ARAP2: variants seen among roughly 807,000 people sequenced by gnomAD.
ARAP2 encodes arf-GAP with Rho-GAP domain, ANK repeat and PH domain-containing protein 2.
Under a neutral mutation model 194.5 loss-of-function variants are expected in ARAP2, and 148 were observed. The ratio of observed to expected loss-of-function variants is 0.76; its 90% CI spans 0.67 to 0.87. ARAP2 has a LOEUF of 0.87. ARAP2 is among the 40% of genes least tolerant of loss of function. The pLI, the probability that ARAP2 is intolerant of heterozygous loss-of-function variation, is 0.00. For synonymous variants in ARAP2, 695 were observed against 683.5 expected (o/e 1.02, Z -0.26); for missense variants, 2,128 against 1,989.7 (o/e 1.07, Z -1.32).
At chr4:36,214,283 A>G (rs1441697605) in intron 3 of ARAP2, 139 bp downstream of exon 3, 3 of 496,112 alleles carry the variant, frequency 6.0e-6, no homozygotes, top group Non-Finnish European at 6.9e-6. Context: ...AAGTGTCTGA[A>G]GTACTATGAA....
At chr4:36,205,264 T>TA (rs1444071011) in intron 6 of ARAP2, among the ~76,000 whole-genome samples, 1 of 151,870 alleles carries the variant, frequency 6.6e-6, no homozygotes, top group Non-Finnish European at 1.5e-5. Flanking sequence ...TCTTCCATGG[T>TA]GGTACATCAA....
intron 6 of ARAP2, among the ~76,000 whole-genome samples, chr4:36,018,119 A>C (rs1053629481): frequency 1.3e-5 from 2 of 152,246 alleles, no homozygotes; most frequent in Admixed American, 1.3e-4. Flanking sequence ...ACAAAGTTTA[A>C]AATGTTTTAA....
intron 6 of ARAP2, among the ~76,000 whole-genome samples, chr4:36,204,434 C>T (rs2109241991): frequency 6.6e-6 from 1 of 152,252 alleles, no homozygotes; most frequent in Non-Finnish European, 1.5e-5. Flanking sequence ...CTCCTTTTCT[C>T]AGGAAGCTTC....
At chr4:36,120,310 TTCC>T (rs1722373588) in intron 23 of ARAP2, among the ~76,000 whole-genome samples, 1 of 151,588 alleles carries the variant, frequency 6.6e-6, no homozygotes, top group Non-Finnish European at 1.5e-5. Flanking sequence ...CTGGTGTCTA[TTCC>T]TATGTAAATT....
chr4:36,026,923 GTC>G (rs1250656744), intron 5 of ARAP2, among the ~76,000 whole-genome samples: 1 of 152,174 alleles, frequency 6.6e-6, no homozygotes, highest in East Asian at 1.9e-4. Flanking sequence ...CATTCTTCAG[GTC>G]TCTAAATGCG....
chr4:36,090,747 T>C (rs901056250), intron 28 of ARAP2, among the ~76,000 whole-genome samples: 6 of 152,076 alleles, frequency 3.9e-5, no homozygotes, highest in Admixed American at 6.6e-5. Flanking sequence ...CAACACCCAC[T>C]GGGGCCTTTT....
intron 7 of ARAP2, among the ~76,000 whole-genome samples, chr4:36,189,894 T>C (rs1374854268): frequency 1.3e-5 from 2 of 152,206 alleles, no homozygotes; most frequent in African/African-American, 4.8e-5. Flanking sequence ...TATCTGTCCA[T>C]TAAAATATCA....
At chr4:36,073,896 G>T in intron 31 of ARAP2, 73 bp from the exon 32 acceptor site, 1 of 1,538,304 alleles carries the variant, frequency 6.5e-7, no homozygotes, top group South Asian at 1.2e-5. Flanking sequence ...AAGCCACTTG[G>T]TTTCTTTCCC....
chr4:36,178,855 A>G (rs1185716406), intron 8 of ARAP2, among the ~76,000 whole-genome samples: 2 of 152,152 alleles, frequency 1.3e-5, no homozygotes, highest in African/African-American at 4.8e-5. Context: ...TCTTGAAACT[A>G]TGGGGGTAAA....
At chr4:36,185,978 C>CAAAAAAAAAAAAAAAAAAAAA (rs1054588041) in intron 8 of ARAP2, among the ~76,000 whole-genome samples, 1 of 135,152 alleles carries the variant, frequency 7.4e-6, no homozygotes, top group African/African-American at 2.8e-5. Flanking sequence ...AACTCTGTCT[C>CAAAAAAAAAAAAAAAAAAAAA]AAAAAAAAAA....
At position 36,177,860 on chromosome 4, in the gene ARAP2, A is replaced by T. The variant is rs760858267; in HGVS notation, c.1824T>A (p.Ser608Arg). The T allele has an allele frequency of 1.2e-6, 2 of 1,612,822 alleles. No individual in the cohort carries two copies. The highest frequency in any genetic ancestry group is 1.7e-6 in the Non-Finnish European group (2 of 1,179,422). ...TTTTGCAAAGCCACACACTGTTTCC[A>T]CTTAACACAGTAAAAATTTTTGCCT... ...GYKAKIFTVL[S>R]GNSVWLCKNE... is the part of the protein sequence containing the mutation. The change falls in exon 9 of 33, where the codon AGT becomes AGA. Residue 608 changes from serine (S) to arginine (R), a missense_variant. Transcript: ENST00000303965.
rs1023404711 is a variant in ARAP2 at position 36,206,910 on chromosome 4, C to T, written c.1487+3480G>A. On this transcript the variant is annotated intron_variant, in intron 6 of 32. Coordinates refer to ENST00000303965, the MANE Select transcript of ARAP2 (RefSeq NM_015230.4). ...TTCCCCAAGTAAGAAAGTCCTAAAA[C>T]ATTTCAAGTAAAATAGAAATTCTTT... Among the ~76,000 whole-genome samples, 2 of 152,152 alleles carry T rather than the reference C, an allele frequency of 1.3e-5. 1 individual carries two copies. Among genetic ancestry groups the T allele is most frequent in the South Asian group, 4.1e-4 (2 of 4,828 alleles).
At chr4:36,029,400 T>C (rs1485081055) in intron 5 of ARAP2, among the ~76,000 whole-genome samples, 1 of 152,012 alleles carries the variant, frequency 6.6e-6, no homozygotes, top group Non-Finnish European at 1.5e-5. Flanking sequence ...CACCTCAACT[T>C]GCATTAAGAT....
intron 27 of ARAP2, among the ~76,000 whole-genome samples, chr4:36,096,511 T>C (rs552551372): frequency 4.6e-5 from 7 of 152,066 alleles, no homozygotes; most frequent in African/African-American, 1.4e-4. Flanking sequence ...AAAATACAAA[T>C]AGTTGCTTAC....
intron 5 of ARAP2, among the ~76,000 whole-genome samples, chr4:36,021,475 T>A (rs569300423): frequency 4.9e-4 from 74 of 152,202 alleles, no homozygotes; most frequent in African/African-American, 1.7e-3. Context: ...AGCAAATGAG[T>A]TATCACAAGA....
chr4:36,104,846 A>G (rs1355566764), intron 27 of ARAP2, among the ~76,000 whole-genome samples: 3 of 152,030 alleles, frequency 2.0e-5, no homozygotes, highest in Non-Finnish European at 4.4e-5. Flanking sequence ...TACAAATATG[A>G]AATGATCCAA....
At chr4:36,151,689 A>G (rs1320132121) in intron 15 of ARAP2, among the ~76,000 whole-genome samples, 10 of 152,210 alleles carry the variant, frequency 6.6e-5, no homozygotes, top group African/African-American at 2.2e-4. Context: ...TTTTTAAGAA[A>G]TGCATACTGA....
At chr4:36,079,832 G>T (rs1350455050) in intron 31 of ARAP2, among the ~76,000 whole-genome samples, 2 of 152,172 alleles carry the variant, frequency 1.3e-5, no homozygotes, top group African/African-American at 4.8e-5. Flanking sequence ...AAAGGCAGGG[G>T]TGGAGAGAGT....
intron 32 of ARAP2, 123 bp from the exon 33 acceptor site, chr4:36,068,401 T>C (rs1449110750): frequency 1.7e-5 from 18 of 1,069,882 alleles, no homozygotes; most frequent in African/African-American, 9.7e-5. Context: ...ACTTAGGTCC[T>C]AACTTTACTT....
Sources: gnomAD v4.1 joint callset for allele counts (sites outside exome capture counted in the v4.1 genomes callset) on GRCh38, gnomAD v4.1.1 for gene constraint, MANE v1.5 for transcripts, NCBI Gene and HGNC (gene_info 2026-07-23, HGNC 2026-07-21) for gene names.